GPLD1: variants seen among roughly 807,000 people sequenced by gnomAD.
GPLD1 encodes the protein glycosylphosphatidylinositol specific phospholipase D1.
GPLD1 carries 84 observed loss-of-function variants against 112.6 expected under a neutral mutation model. That is an observed-to-expected ratio of 0.75 (90% CI 0.63 to 0.89). GPLD1 has a LOEUF of 0.89. Among genes scored for constraint, GPLD1 ranks in the 40% least tolerant of loss-of-function variants. The pLI is 0.00. For missense variants in GPLD1, 1,044 were observed against 1,051.5 expected (o/e 0.99, Z 0.10); for synonymous variants, 386 against 403.8 (o/e 0.96, Z 0.53).
chr6:24,430,849 T>G (rs1253889763), intron 24 of GPLD1, among the ~76,000 whole-genome samples: 1 of 152,178 alleles, frequency 6.6e-6, no homozygotes, highest in Non-Finnish European at 1.5e-5. Context: ...GTGAAGTAAT[T>G]TTAACACTAA....
chr6:24,478,575 G>A (rs1324971867), intron 3 of GPLD1, among the ~76,000 whole-genome samples: 3 of 152,158 alleles, frequency 2.0e-5, no homozygotes, highest in Non-Finnish European at 4.4e-5. Flanking sequence ...GCTTCAACTA[G>A]CTTCGTGGCT....
intron 13 of GPLD1, among the ~76,000 whole-genome samples, chr6:24,455,846 A>C (rs112939612): frequency 0.025 from 3,875 of 152,248 alleles, 79 homozygotes; most frequent in South Asian, 0.041. Context: ...AAGTGTAAGG[A>C]GATCATTTCA....
upstream of GPLD1, among the ~76,000 whole-genome samples, chr6:24,491,387 C>T (rs945436292): frequency 6.6e-6 from 1 of 152,084 alleles, no homozygotes; most frequent in African/African-American, 2.4e-5. Flanking sequence ...ACAACAAACC[C>T]ATCCAAAAAG....
intron 14 of GPLD1, among the ~76,000 whole-genome samples, chr6:24,451,536 C>A (rs1763087358): frequency 6.6e-6 from 1 of 152,176 alleles, no homozygotes; most frequent in African/African-American, 2.4e-5. Context: ...CGGGGTTTCA[C>A]CACGTTGATC....
chr6:24,452,759 G>T (rs899816755), intron 14 of GPLD1, among the ~76,000 whole-genome samples: 32 of 143,654 alleles, frequency 2.2e-4, no homozygotes, highest in African/African-American at 8.5e-4. Context: ...CTGGGCAACA[G>T]TGAGAGTTTA....
intron 10 of GPLD1, among the ~76,000 whole-genome samples, chr6:24,466,354 AAAAG>A (rs1035233097): frequency 2.0e-5 from 3 of 152,210 alleles, no homozygotes; most frequent in Non-Finnish European, 4.4e-5. Flanking sequence ...TCTCAAAATA[AAAAG>A]AAAGAAACAA....
intron 1 of GPLD1, among the ~76,000 whole-genome samples, chr6:24,486,898 T>C (rs1764395197): frequency 6.6e-6 from 1 of 152,080 alleles, no homozygotes; most frequent in African/African-American, 2.4e-5. Flanking sequence ...ATATAACACC[T>C]AACCTATGGA....
At chr6:24,440,167 A>T (rs1446009085) in intron 20 of GPLD1, among the ~76,000 whole-genome samples, 4 of 151,120 alleles carry the variant, frequency 2.6e-5, no homozygotes, top group Non-Finnish European at 5.9e-5. Context: ...CAGAAAAACT[A>T]TAAACTTGCC....
At chr6:24,455,904 G>C (rs1334714298) in intron 13 of GPLD1, among the ~76,000 whole-genome samples, 2 of 152,220 alleles carry the variant, frequency 1.3e-5, no homozygotes, top group Non-Finnish European at 2.9e-5. Flanking sequence ...GCCAGGTGCA[G>C]TGGCTCATGC....
rs761126679 is a variant in GPLD1 at position 24,445,831 on chromosome 6, C to T, written c.1821G>A (p.Arg607=). 6.2e-7 allele frequency: 1 copy of T among 1,607,138 alleles called. No individual in the cohort carries two copies. Among genetic ancestry groups the T allele is most frequent in the Non-Finnish European group, 8.5e-7 (1 of 1,173,942 alleles). The change falls in exon 19 of 25, where the codon AGG becomes AGA. Residue 607 remains arginine, a splice_region_variant and synonymous_variant. Transcript: ENST00000230036. ...CTCGGATGTGTAACAAATGGCCCAG[C>T]CTAGAATGAAGCACACTGGGCTTAG... ...VGSPTWKNAS[R]LGHLLHIRDE... is the part of the protein sequence containing the mutation.
At chr6:24,469,682 G>T (rs1344030066) in intron 7 of GPLD1, among the ~76,000 whole-genome samples, 7 of 138,508 alleles carry the variant, frequency 5.1e-5, no homozygotes, top group African/African-American at 1.9e-4. Flanking sequence ...AATGCTAGAT[G>T]ACGAGTTAGT....
intron 10 of GPLD1, among the ~76,000 whole-genome samples, chr6:24,465,571 A>T (rs2127353269): frequency 6.8e-6 from 1 of 146,484 alleles, no homozygotes; most frequent in African/African-American, 2.6e-5. Flanking sequence ...ATGTGCTCTT[A>T]AAAAAAAAAG....
chr6:24,439,730 AAAT>A (rs1762686813), intron 20 of GPLD1, among the ~76,000 whole-genome samples: 1 of 152,322 alleles, frequency 6.6e-6, no homozygotes, highest in East Asian at 1.9e-4. Context: ...TCAGTACTGA[AAAT>A]AATTCTGAAG....
At chr6:24,494,856 G>C (rs1456417350) in intron 1 of GPLD1, 1 of 971,302 alleles carries the variant, frequency 1.0e-6, no homozygotes, top group Non-Finnish European at 1.3e-6. Flanking sequence ...CTGCTCTGTG[G>C]CTCTGCAACC....
chr6:24,465,229 G>T (rs12208521), intron 10 of GPLD1, among the ~76,000 whole-genome samples: 43,489 of 139,874 alleles, frequency 0.31, 7,894 homozygotes, highest in Middle Eastern at 0.45. Context: ...GAAAAGAAAA[G>T]AAAAGAAAAA....
chr6:24,431,143 T>C (rs1762390486), intron 24 of GPLD1, among the ~76,000 whole-genome samples: 1 of 152,196 alleles, frequency 6.6e-6, no homozygotes, highest in Non-Finnish European at 1.5e-5. Context: ...ATGTGGTTAA[T>C]CCTACATTTT....
At position 24,437,260 on chromosome 6, in the gene GPLD1, CGGTCA is replaced by C. The variant is rs777524096; in HGVS notation, c.2045_2049del (p.Leu682ArgfsTer17). The stretch of plus-strand genomic sequence containing the variant: ...GTGGCTCCGCCTTGGTGTAGGGTCA[CGGTCA>C]GGAATGCCACCTTAGACACGTCATC... On this transcript the variant is annotated frameshift_variant, in exon 21 of 25. Transcript: ENST00000230036. LOFTEE classifies it high-confidence loss of function. 1.2e-6 allele frequency: 2 copies of C among 1,614,002 alleles called. No homozygotes were observed. The highest frequency in any genetic ancestry group is 2.2e-5 in the South Asian group (2 of 91,082).
chr6:24,472,322 T>C (rs1042251024), intron 7 of GPLD1, among the ~76,000 whole-genome samples: 1 of 152,194 alleles, frequency 6.6e-6, no homozygotes, highest in Non-Finnish European at 1.5e-5. Flanking sequence ...CCAGAATGAT[T>C]ATACAAAGCT....
intron 20 of GPLD1, among the ~76,000 whole-genome samples, chr6:24,441,703 T>C (rs1363162210): frequency 2.0e-5 from 3 of 152,244 alleles, no homozygotes; most frequent in East Asian, 3.8e-4. Context: ...ATGCAGGGCA[T>C]GTGCCCCTGT....
Sources: allele counts gnomAD v4.1 joint callset (sites outside exome capture counted in the v4.1 genomes callset), GRCh38; gene constraint gnomAD v4.1.1; transcripts MANE v1.5; gene names NCBI Gene and HGNC (gene_info 2026-07-23, HGNC 2026-07-21).